The following DLK2 variants were observed in gnomAD, a reference collection of about 807,000 sequenced individuals.
The protein encoded by DLK2 is protein delta homolog 2.
DLK2 carries 9 observed loss-of-function variants against 31.3 expected under a neutral mutation model. The ratio of observed to expected loss-of-function variants is 0.29; its 90% confidence interval spans 0.17 to 0.50. The LOEUF (loss-of-function observed/expected upper bound fraction) is 0.50. Ranked by LOEUF, DLK2 falls within the 20% of genes least tolerant of loss-of-function variation. The pLI is 0.98. For missense variants in DLK2, 387 were observed against 526.1 expected, an observed-to-expected ratio of 0.74 and a Z score of 2.59; for synonymous variants, 169 against 201.2, an observed-to-expected ratio of 0.84 and a Z score of 1.35.
chr6:43,454,394 G>C lies in DLK2; in HGVS notation c.140+17C>G. On this transcript the variant is annotated intron_variant, in intron 3 of 5. Coordinates refer to ENST00000372488, the MANE Select transcript of DLK2 (RefSeq NM_023932.4). ...TGGGTACCAAAGGGTTTGGGGGCACGTGCTCAGGACAGGTACCTGCAGGAG... is the reference window on the plus strand; with the variant it reads ...TGGGTACCAAAGGGTTTGGGGGCACCTGCTCAGGACAGGTACCTGCAGGAG... The C allele has an allele frequency of 1.9e-6, 3 of 1,600,010 alleles. No individual in the cohort carries two copies. The highest frequency in any genetic ancestry group is 2.6e-6 in the Non-Finnish European group (3 of 1,174,706).
chr6:43,455,043 A>C, intron 1 of DLK2, 163 bp from the exon 2 acceptor site: 1 of 984,938 alleles, frequency 1.0e-6, no homozygotes. Context: ...AGGCGAAGAG[A>C]GCGAGGAGAG....
intron 4 of DLK2, 138 bp from the exon 5 acceptor site, chr6:43,452,222 AG>A: frequency 7.9e-7 from 1 of 1,263,214 alleles, no homozygotes; most frequent in Non-Finnish European, 1.1e-6. Context: ...GTGGTATGCT[AG>A]GGAGAGACAA....
rs1783776989 is a variant in DLK2, at chr6:43,451,980, GC to G, written c.375del (p.Arg126ValfsTer48). ...GGTCCAGCCTTGCGCTCGCAGTCAC[GC>G]CCATGGAAGCCTGGTAAGCACACAC... ...YHCVCLPGFH[G>X]RDCERKAGPC... On this transcript the variant is annotated frameshift_variant, in exon 5 of 6. Transcript: ENST00000372488. LOFTEE classifies it high-confidence loss of function. This position sits in a 1 kb window ranked among gnomAD's most constrained non-coding sequence, Gnocchi z 4.4. The G allele has an allele frequency of 6.2e-7, 1 of 1,614,032 alleles. No homozygotes were observed. The highest frequency in any genetic ancestry group is 1.3e-5 in the African/African-American group (1 of 74,928).
At position 43,450,893 on chromosome 6, in the gene DLK2, G is replaced by A. The variant is rs756406599; in HGVS notation, c.798C>T (p.Pro266=). The change falls in exon 6 of 6, where the codon CCC becomes CCT. Residue 266 remains proline, a synonymous_variant. Transcript: ENST00000372488. This position sits in a 1 kb window ranked among gnomAD's most constrained non-coding sequence, Gnocchi z 4.5. ...PPTTVDTPLG[P]TSAVVVPATG... is the part of the protein sequence containing the mutation. ...TGGCAGGTACCACTACAGCTGAGGT[G>A]GGCCCTAGAGGGGTGTCCACTGTGG... is the stretch of plus-strand genomic sequence containing the variant. The A allele has an allele frequency of 1.2e-6, 2 of 1,614,192 alleles. No homozygotes were observed. Among genetic ancestry groups the A allele is most frequent in the Non-Finnish European group, 1.7e-6 (2 of 1,180,018 alleles).
rs530331479 is a variant in DLK2 at position 43,452,209 on chromosome 6, G to T, written c.272-125C>A. 1.4e-4 allele frequency: 187 copies of T among 1,378,526 alleles called. 1 individual carries two copies. The Admixed American group carries it at 1.8e-3, about 13-fold the overall frequency. The allele number at this position is 1,378,526 out of a possible 1,614,324, so 85.4% of individuals were successfully genotyped here. A position where few individuals can be genotyped will look rare whatever the true frequency, so the allele number is the denominator to read the frequency against. On this transcript the variant is annotated intron_variant, in intron 4 of 5. Coordinates refer to ENST00000372488, the MANE Select transcript of DLK2 (RefSeq NM_023932.4). ...CTATACTACAAACCCAGCCCAGGCTGGCGTGGTATGCTAGGGAGAGACAAC... is the reference window on the plus strand; with the variant it reads ...CTATACTACAAACCCAGCCCAGGCTTGCGTGGTATGCTAGGGAGAGACAAC...
At chr6:43,455,092 G>A (rs778678589) in intron 1 of DLK2, 164 of 985,218 alleles carry the variant, frequency 1.7e-4, no homozygotes, top group Non-Finnish European at 1.9e-4. Context: ...GCAAGGAGGG[G>A]AAAGATGGGC....
Position 43,451,414 on chromosome 6 carries a change from GAAT to G in DLK2, c.417-143_417-141del. 1 of 1,144,482 alleles carries G rather than the reference GAAT, an allele frequency of 8.7e-7. No individual in the cohort carries two copies. The highest frequency in any genetic ancestry group is 1.2e-6 in the Non-Finnish European group (1 of 830,532). 70.9% of individuals were successfully genotyped at this position (1,144,482 alleles called of 1,614,324 possible). Reference sequence around the variant, plus strand: ...CTCAAATACCTCATTTTAAAAATGAGAATAAAAATAGTACCCAGCTTCCCTAAT... The same window carrying G: ...CTCAAATACCTCATTTTAAAAATGAGAAAAATAGTACCCAGCTTCCCTAAT... On this transcript the variant is annotated intron_variant, in intron 5 of 5. Transcript: ENST00000372488. The surrounding 1 kb of genome is among the most constrained non-coding windows in gnomAD (Gnocchi z 4.4).
chr6:43,450,889 A>G lies in DLK2; in HGVS notation c.802T>C (p.Ser268Pro). The G allele has an allele frequency of 6.2e-7, 1 of 1,614,134 alleles. No individual in the cohort carries two copies. Residue 268 changes from serine (S) to proline (P), a missense_variant, in exon 6 of 6, where the codon TCA becomes CCA. Transcript: ENST00000372488. The surrounding 1 kb of genome is among the most constrained non-coding windows in gnomAD (Gnocchi z 4.5). The stretch of plus-strand genomic sequence containing the variant: ...CCCGTGGCAGGTACCACTACAGCTG[A>G]GGTGGGCCCTAGAGGGGTGTCCACT... The part of the protein sequence containing the change: ...TTVDTPLGPT[S>P]AVVVPATGPA...
chr6:43,454,846 G>T lies in DLK2; in HGVS notation c.-21C>A. ...GGCATGGTCAGCGCCGGCCCCAGGA[G>T]GGACGGACGGATGGACGGCCGGACG... On this transcript the variant is annotated 5_prime_UTR_variant, in exon 2 of 6. Transcript: ENST00000372488. The T allele has an allele frequency of 6.5e-7, 1 of 1,540,154 alleles. No homozygotes were observed. The highest frequency in any genetic ancestry group is 2.4e-5 in the East Asian group (1 of 40,898).
In DLK2 at chr6:43,454,881, C is replaced by T; in HGVS notation, c.-55-1G>A. On this transcript the variant is annotated splice_acceptor_variant, in intron 1 of 5. Transcript: ENST00000372488. LOFTEE classifies it low-confidence loss of function (5UTR_SPLICE). Reference sequence around the variant, plus strand: ...GATGGACGGCCGGACGCGTGGACACCTGTGGGACGGCACCGGTTGGGAGGC... The same window carrying T: ...GATGGACGGCCGGACGCGTGGACACTTGTGGGACGGCACCGGTTGGGAGGC... 1 of 1,531,364 alleles carries T rather than the reference C, an allele frequency of 6.5e-7. No homozygotes were observed. Among genetic ancestry groups the T allele is most frequent in the Admixed American group, 2.0e-5 (1 of 50,504 alleles). 94.9% of individuals were successfully genotyped at this position (1,531,364 alleles called of 1,614,324 possible).
chr6:43,450,734 G>C lies in DLK2; in HGVS notation c.957C>G (p.Ala319=). Residue 319 remains alanine, a synonymous_variant, in exon 6 of 6, where the codon GCC becomes GCG. Coordinates refer to ENST00000372488, the MANE Select transcript of DLK2 (RefSeq NM_023932.4). This position sits in a 1 kb window ranked among gnomAD's most constrained non-coding sequence, Gnocchi z 4.5. ...TCAGCAACACAGTAGCCAGAACCAGGGCAGCAGTGAGGGCCCCAAACACCA... is the reference window on the plus strand; with the variant it reads ...TCAGCAACACAGTAGCCAGAACCAGCGCAGCAGTGAGGGCCCCAAACACCA... The part of the protein sequence containing the change: ...ALVVFGALTA[A]LVLATVLLTL... 1.2e-6 allele frequency: 2 copies of C among 1,614,172 alleles called. No individual in the cohort carries two copies. Among genetic ancestry groups the C allele is most frequent in the Non-Finnish European group, 1.7e-6 (2 of 1,180,000 alleles).
In DLK2 at chr6:43,454,853, A is replaced by C. The variant is rs912663074; in HGVS notation, c.-28T>G. The C allele has an allele frequency of 5.9e-6, 9 of 1,536,994 alleles. No homozygotes were observed. In the African/African-American group the frequency reaches 1.1e-4, roughly 19 times the overall value. On this transcript the variant is annotated 5_prime_UTR_variant, in exon 2 of 6. Coordinates refer to ENST00000372488, the MANE Select transcript of DLK2 (RefSeq NM_023932.4). ...TCAGCGCCGGCCCCAGGAGGGACGGACGGATGGACGGCCGGACGCGTGGAC... is the reference window on the plus strand; with the variant it reads ...TCAGCGCCGGCCCCAGGAGGGACGGCCGGATGGACGGCCGGACGCGTGGAC...
chr6:43,454,597 C>G lies in DLK2; in HGVS notation c.77-123G>C. 3 of 1,333,806 alleles carry G rather than the reference C, an allele frequency of 2.2e-6. No individual in the cohort carries two copies. The South Asian group carries it at 4.0e-5, about 18-fold the overall frequency. The allele number at this position is 1,333,806 out of a possible 1,614,324, so 82.6% of individuals were successfully genotyped here. ...GACTCAACCCTAGGGCAGGACATAA[C>G]ACAGAAACTCATCCCATTCCAAAAA... On this transcript the variant is annotated intron_variant, in intron 2 of 5. Transcript: ENST00000372488.
rs973971253 is a variant in DLK2 at position 43,455,122 on chromosome 6, C to G, written c.-55-242G>C. On this transcript the variant is annotated intron_variant, in intron 1 of 5. Transcript: ENST00000372488. Reference sequence around the variant, plus strand: ...ATGGGCATCGCGGAGCGAGGCCAGGCGCGGGAATGGCTGGGGTTGGGATCG... The same window carrying G: ...ATGGGCATCGCGGAGCGAGGCCAGGGGCGGGAATGGCTGGGGTTGGGATCG... 4 of 982,240 alleles carry G rather than the reference C, an allele frequency of 4.1e-6. No individual in the cohort carries two copies. In the East Asian group the frequency reaches 4.6e-4, roughly 113 times the overall value. The allele number at this position is 982,240 out of a possible 1,614,324, so 60.8% of individuals were successfully genotyped here.
chr6:43,451,865 A>T lies in DLK2; in HGVS notation c.416+75T>A, dbSNP rs565997060. 1.9e-6 allele frequency: 3 copies of T among 1,571,270 alleles called. No individual in the cohort carries two copies. In the African/African-American group the frequency reaches 4.0e-5, roughly 21 times the overall value. ...ACTCTCAGTCCCCCACCCTCCCAAC[A>T]GTCCTGCCTCTTTTCTCATCCCATC... On this transcript the variant is annotated intron_variant, in intron 5 of 5. Coordinates refer to ENST00000372488, the MANE Select transcript of DLK2 (RefSeq NM_023932.4). This position sits in a 1 kb window ranked among gnomAD's most constrained non-coding sequence, Gnocchi z 4.4.
intron 1 of DLK2, 138 bp from the exon 2 acceptor site, chr6:43,455,018 A>G (rs1783922310): frequency 2.8e-6 from 4 of 1,433,888 alleles, no homozygotes; most frequent in Non-Finnish European, 3.6e-6. Flanking sequence ...GGATGGGGGC[A>G]GGGAAGGGTT....
chr6:43,454,804 G>T lies in DLK2; in HGVS notation c.22C>A (p.Leu8Met). 1 of 1,555,500 alleles carries T rather than the reference G, an allele frequency of 6.4e-7. No homozygotes were observed. Among genetic ancestry groups the T allele is most frequent in the African/African-American group, 1.4e-5 (1 of 72,458 alleles). The change falls in exon 2 of 6, where the codon CTG (leucine) becomes ATG (methionine). Residue 8 changes from leucine to methionine, a missense_variant. Transcript: ENST00000372488. Reference sequence around the variant, plus strand: ...ATGCACAACAGGCACACGAGATGCAGGCAGCGGCAGCCGCTGGGCATGGTC... The same window carrying T: ...ATGCACAACAGGCACACGAGATGCATGCAGCGGCAGCCGCTGGGCATGGTC... Reference protein sequence around the residue: MPSGCRCLHLVCLLCILG... With the variant: MPSGCRCMHLVCLLCILG...
intron 4 of DLK2, among the ~76,000 whole-genome samples, 191 bp from the exon 5 acceptor site, chr6:43,452,275 T>C (rs1048367547): frequency 3.9e-5 from 6 of 152,244 alleles, no homozygotes; most frequent in Non-Finnish European, 8.8e-5. Context: ...GCCCTGGCTC[T>C]CAGTCTGTCT....
At chr6:43,454,310 G>A (rs754998144) in intron 3 of DLK2, 101 bp downstream of exon 3, 1 of 1,120,468 alleles carries the variant, frequency 8.9e-7, no homozygotes, top group Admixed American at 2.3e-5. Context: ...GAGTGATGAG[G>A]CATGAAGAGT....
Sources: gnomAD v4.1 joint callset for allele counts (sites outside exome capture counted in the v4.1 genomes callset) on GRCh38, gnomAD v4.1.1 for gene constraint, Gnocchi (gnomAD v3.1) non-coding constraint, MANE v1.5 for transcripts, NCBI Gene and HGNC (gene_info 2026-07-23, HGNC 2026-07-21) for gene names.